MARCHF1: variants seen among roughly 807,000 people sequenced by gnomAD.
MARCHF1 encodes the protein E3 ubiquitin-protein ligase MARCHF1.
Under a neutral mutation model 54.2 loss-of-function variants are expected in MARCHF1, and 40 were observed. The ratio of observed to expected loss-of-function variants is 0.74; its 90% CI spans 0.57 to 0.96. The LOEUF (loss-of-function observed/expected upper bound fraction) is 0.96. Ranked by LOEUF, MARCHF1 falls within the 40% of genes least tolerant of loss-of-function variation. The pLI, the probability that MARCHF1 is intolerant of heterozygous loss-of-function variation, is 0.00. For synonymous variants in MARCHF1, 236 were observed against 236.3 expected (o/e 1.00, Z 0.01); for missense variants, 586 against 656.5 (o/e 0.89, Z 1.17).
At chr4:163,659,325 G>A (rs1159545235) in intron 5 of MARCHF1, among the ~76,000 whole-genome samples, 3 of 152,002 alleles carry the variant, frequency 2.0e-5, no homozygotes, top group Non-Finnish European at 4.4e-5. Context: ...TTTAATAAAT[G>A]GTGCTGGGGA....
rs1428150014 is a variant in MARCHF1, at chr4:163,961,135, G to T, written c.-39+27366C>A. On this transcript the variant is annotated intron_variant, in intron 3 of 9. Transcript: ENST00000514618. ...TCTCCAAAGATAGTCACATTAGGGG[G>T]TTATGGAACCAAATGTTTCTATTCA... Among the ~76,000 whole-genome samples, 6 of 152,024 alleles carry T rather than the reference G, an allele frequency of 3.9e-5. No homozygotes were observed. The East Asian group carries it at 7.8e-4, about 20-fold the overall frequency.
Position 163,525,952 on chromosome 4 carries a change from TAAAC to T in MARCHF1, c.*2792_*2795del, listed in dbSNP as rs1738089847. 1 of 152,126 alleles carries T rather than the reference TAAAC, an allele frequency of 6.6e-6. No homozygotes were observed. The highest frequency in any genetic ancestry group is 2.4e-5 in the African/African-American group (1 of 41,458). The allele number at this position is 152,126 out of a possible 1,614,324, so 9.4% of individuals were successfully genotyped here. On this transcript the variant is annotated 3_prime_UTR_variant, in exon 10 of 10. Coordinates refer to ENST00000514618, the MANE Select transcript of MARCHF1 (RefSeq NM_001394959.1). ...GTAGTTATTTCAGATGTTTGAACCA[TAAAC>T]AAACAACCATTGCTGAAAAGCTTCT...
intron 2 of MARCHF1, among the ~76,000 whole-genome samples, chr4:164,072,705 A>T (rs1431742121): frequency 1.6e-4 from 1 of 6,158 alleles, no homozygotes; most frequent in Non-Finnish European, 4.7e-4. Context: ...TTTCTCTAGT[A>T]AAAAAAAAAA....
chr4:164,040,782 A>C (rs1387199118), intron 2 of MARCHF1, among the ~76,000 whole-genome samples: 2 of 152,082 alleles, frequency 1.3e-5, no homozygotes, highest in Non-Finnish European at 1.5e-5. Context: ...TTAAAAGAGT[A>C]TCTTTATTTT....
chr4:164,001,209 T>C (rs532968227), intron 2 of MARCHF1, among the ~76,000 whole-genome samples: 1 of 151,912 alleles, frequency 6.6e-6, no homozygotes, highest in East Asian at 1.9e-4. Flanking sequence ...TGTAGGGGAA[T>C]AATTACTAGA....
At chr4:164,123,049 T>C (rs968981812) in intron 1 of MARCHF1, among the ~76,000 whole-genome samples, 6 of 152,204 alleles carry the variant, frequency 3.9e-5, no homozygotes, top group Non-Finnish European at 5.9e-5. Flanking sequence ...TATGATCTTA[T>C]ATTTGGGAAA....
At chr4:163,558,776 G>A (rs983228512) in intron 8 of MARCHF1, among the ~76,000 whole-genome samples, 4 of 152,172 alleles carry the variant, frequency 2.6e-5, no homozygotes, top group Non-Finnish European at 4.4e-5. Flanking sequence ...CAGCTGCGTG[G>A]AGCGTGCCCT....
intron 4 of MARCHF1, among the ~76,000 whole-genome samples, chr4:163,782,196 TG>T (rs1747483998): frequency 1.3e-5 from 1 of 79,912 alleles, no homozygotes; most frequent in African/African-American, 3.1e-5. Flanking sequence ...CTTGAAGAGA[TG>T]GGAATTGGAT....
chr4:164,038,652 A>G (rs4533720), intron 2 of MARCHF1, among the ~76,000 whole-genome samples: 79,303 of 152,046 alleles, frequency 0.52, 21,728 homozygotes, highest in Middle Eastern at 0.69. Context: ...ATAGTCTATC[A>G]CTTGTAAACT....
chr4:164,137,714 T>C (rs771425745), intron 1 of MARCHF1, among the ~76,000 whole-genome samples: 1 of 152,196 alleles, frequency 6.6e-6, no homozygotes, highest in Non-Finnish European at 1.5e-5. Context: ...ACACCATTAA[T>C]AAAACAGTAA....
intron 4 of MARCHF1, among the ~76,000 whole-genome samples, chr4:163,708,973 T>C (rs534050370): frequency 6.6e-6 from 1 of 152,162 alleles, no homozygotes; most frequent in Non-Finnish European, 1.5e-5. Flanking sequence ...GTTCATGATA[T>C]ATTGTTAAGG....
intron 3 of MARCHF1, among the ~76,000 whole-genome samples, chr4:163,950,714 A>G (rs936099059): frequency 1.3e-5 from 2 of 152,240 alleles, no homozygotes; most frequent in East Asian, 1.9e-4. Flanking sequence ...CTGTGATACT[A>G]TAAAGTTCTG....
At chr4:163,859,311 C>T (rs1157423640) in intron 3 of MARCHF1, among the ~76,000 whole-genome samples, 2 of 151,398 alleles carry the variant, frequency 1.3e-5, no homozygotes, top group African/African-American at 4.9e-5. Context: ...CGGCACAATA[C>T]AAGGAAGTAG....
chr4:163,613,546 T>G (rs765112642), intron 5 of MARCHF1, 153 bp from the exon 6 acceptor site: 43 of 1,550,564 alleles, frequency 2.8e-5, no homozygotes, highest in Non-Finnish European at 3.5e-5. Context: ...AAGTTTGAGG[T>G]TGGTTTTGCA....
At chr4:163,593,169 T>G (rs1453050878) in intron 7 of MARCHF1, among the ~76,000 whole-genome samples, 2 of 152,198 alleles carry the variant, frequency 1.3e-5, no homozygotes, top group Non-Finnish European at 2.9e-5. Flanking sequence ...AGTAAATAGA[T>G]AATATATATT....
At chr4:163,657,748 A>G (rs546177899) in intron 5 of MARCHF1, among the ~76,000 whole-genome samples, 3 of 152,254 alleles carry the variant, frequency 2.0e-5, no homozygotes, top group Middle Eastern at 6.8e-3. Flanking sequence ...GAACTCAGAA[A>G]TAAGACTACA....
chr4:163,939,379 CTTATT>C (rs1232361111), intron 3 of MARCHF1, among the ~76,000 whole-genome samples: 1 of 152,158 alleles, frequency 6.6e-6, no homozygotes. Context: ...ATGCAGATGA[CTTATT>C]TGATAATCCA....
At position 164,261,969 on chromosome 4, in the gene MARCHF1, G is replaced by GGT. The variant is rs139108328; in HGVS notation, c.-323+121899_-323+121900dup. ...TTTAAAAAGTTAGGTGGATGTTGTG[G>GGT]GTGTGTGTGTGTGTGGTCCCAGCTA... On this transcript the variant is annotated intron_variant, in intron 1 of 9. Transcript: ENST00000514618. Among the ~76,000 whole-genome samples the GGT allele has an allele frequency of 7.3e-4, 110 of 150,586 alleles. 1 individual carries two copies. Among genetic ancestry groups the GGT allele is most frequent in the African/African-American group, 2.2e-3 (92 of 41,168 alleles).
intron 4 of MARCHF1, among the ~76,000 whole-genome samples, chr4:163,816,807 C>A (rs1248615784): frequency 6.6e-6 from 1 of 152,136 alleles, no homozygotes; most frequent in Non-Finnish European, 1.5e-5. Context: ...GGTTACTGAG[C>A]AGCTTTTGGA....
Sources: allele counts gnomAD v4.1 joint callset (sites outside exome capture counted in the v4.1 genomes callset), GRCh38; gene constraint gnomAD v4.1.1; transcripts MANE v1.5; gene names NCBI Gene and HGNC (gene_info 2026-07-23, HGNC 2026-07-21).